DPP10: variants seen among roughly 807,000 people sequenced by gnomAD.
DPP10 encodes inactive dipeptidyl peptidase 10.
A neutral mutation model predicts 120.9 loss-of-function variants in DPP10; 33 were observed. That is an observed-to-expected ratio of 0.27 (90% CI 0.21 to 0.37). The LOEUF is 0.37. DPP10 is among the 10% of genes least tolerant of loss of function. DPP10 has a pLI of 1.00. For missense variants in DPP10, 816 were observed against 942.8 expected (o/e 0.87, Z 1.76); for synonymous variants, 337 against 326.1 (o/e 1.03, Z -0.36).
chr2:114,627,324 C>T (rs1694588980), intron 1 of DPP10, among the ~76,000 whole-genome samples: 1 of 152,154 alleles, frequency 6.6e-6, no homozygotes, highest in African/African-American at 2.4e-5. Context: ...TCTCAAAATA[C>T]ATTTTTCAAG....
intron 3 of DPP10, among the ~76,000 whole-genome samples, chr2:115,477,994 G>A (rs896559352): frequency 6.6e-6 from 1 of 152,038 alleles, no homozygotes; most frequent in Non-Finnish European, 1.5e-5. Context: ...AAGAGTAGGG[G>A]CAGGTGCCAC....
In DPP10 at chr2:114,649,713, C is replaced by G. The variant is rs180991786; in HGVS notation, c.60+206875C>G. ...ACTATTTTATAGGATTTTAAACTGT[C>G]TAGAATTCAGTTTTGGACTAGTATA... is the stretch of plus-strand genomic sequence containing the variant. On this transcript the variant is annotated intron_variant, in intron 1 of 25. Transcript: ENST00000410059. 3.9e-5 allele frequency among the ~76,000 whole-genome samples: 6 copies of G among 152,230 alleles called. No homozygotes were observed. The East Asian group carries it at 1.2e-3, about 29-fold the overall frequency.
intron 1 of DPP10, chr2:115,050,059 T>C (rs1259197754): frequency 6.6e-6 from 1 of 152,048 alleles, no homozygotes; most frequent in East Asian, 1.9e-4. Context: ...AAGGGCAGAG[T>C]AGGAAACTTG....
chr2:115,428,366 G>A (rs2070671591), intron 3 of DPP10, among the ~76,000 whole-genome samples: 2 of 152,116 alleles, frequency 1.3e-5, no homozygotes, highest in African/African-American at 4.8e-5. Flanking sequence ...TTTGCTATTA[G>A]AAATACCTTA....
At chr2:115,827,271 G>GTATA (rs200558624) in intron 21 of DPP10, among the ~76,000 whole-genome samples, 1,915 of 145,464 alleles carry the variant, frequency 0.013, 45 homozygotes, top group African/African-American at 0.045. Flanking sequence ...CAGTATTTAT[G>GTATA]TATGTATACA....
intron 6 of DPP10, 50 bp downstream of exon 6, chr2:115,689,789 G>T: frequency 4.3e-6 from 7 of 1,609,452 alleles, no homozygotes; most frequent in Non-Finnish European, 5.9e-6. Flanking sequence ...TTACTAAATT[G>T]TTGGTGTAGA....
At chr2:114,661,909 C>T (rs1697432691) in intron 1 of DPP10, among the ~76,000 whole-genome samples, 2 of 151,994 alleles carry the variant, frequency 1.3e-5, no homozygotes, top group Admixed American at 1.3e-4. Context: ...CACAATGAGC[C>T]CAGGGGTTGA....
At chr2:114,705,268 C>G (rs1700620045) in intron 1 of DPP10, among the ~76,000 whole-genome samples, 1 of 151,962 alleles carries the variant, frequency 6.6e-6, no homozygotes, top group Non-Finnish European at 1.5e-5. Context: ...ATCTTTTAGC[C>G]CAGTACCTTT....
intron 1 of DPP10, among the ~76,000 whole-genome samples, chr2:114,466,186 G>A (rs1450006861): frequency 6.6e-6 from 1 of 152,130 alleles, no homozygotes; most frequent in Non-Finnish European, 1.5e-5. Context: ...AGAATATGCT[G>A]GAGAATTGCC....
chr2:115,207,275 G>A (rs115768162), intron 1 of DPP10, among the ~76,000 whole-genome samples: 1,574 of 152,154 alleles, frequency 0.01, 35 homozygotes, highest in African/African-American at 0.036. Flanking sequence ...TTACAGAAGA[G>A]TATTTGTTTT....
At chr2:114,808,061 C>T (rs79884628) in intron 1 of DPP10, among the ~76,000 whole-genome samples, 15,811 of 152,182 alleles carry the variant, frequency 0.1, 907 homozygotes, top group South Asian at 0.12. Context: ...GAAAACGTTT[C>T]AGCAGCGCTG....
At chr2:115,469,688 C>T (rs7562993) in intron 3 of DPP10, among the ~76,000 whole-genome samples, 21,118 of 151,870 alleles carry the variant, frequency 0.14, 3,222 homozygotes, top group African/African-American at 0.37. Flanking sequence ...CACCTGAGAG[C>T]GGGAGCTCGA....
intron 1 of DPP10, among the ~76,000 whole-genome samples, chr2:114,745,526 T>A (rs1448702856): frequency 6.6e-6 from 1 of 152,110 alleles, no homozygotes; most frequent in African/African-American, 2.4e-5. Context: ...CAAAAAGAAA[T>A]ACATGGTATG....
chr2:115,562,359 C>T (rs966651594), intron 5 of DPP10, among the ~76,000 whole-genome samples: 2 of 152,148 alleles, frequency 1.3e-5, no homozygotes, highest in Non-Finnish European at 2.9e-5. Context: ...TCTTACTTGT[C>T]TCCAATATAT....
intron 1 of DPP10, among the ~76,000 whole-genome samples, chr2:114,827,644 T>A (rs555549984): frequency 2.0e-5 from 3 of 152,240 alleles, no homozygotes; most frequent in African/African-American, 7.2e-5. Flanking sequence ...TGTGCATGCA[T>A]GTGTGTGTGC....
At chr2:114,687,930 G>T (rs1283927033) in intron 1 of DPP10, among the ~76,000 whole-genome samples, 2 of 151,880 alleles carry the variant, frequency 1.3e-5, no homozygotes, top group Non-Finnish European at 2.9e-5. Flanking sequence ...TCTTCTTCCA[G>T]GTAGAACATT....
intron 1 of DPP10, among the ~76,000 whole-genome samples, chr2:114,640,679 C>A (rs1695641701): frequency 6.6e-6 from 1 of 151,834 alleles, no homozygotes; most frequent in South Asian, 2.1e-4. Flanking sequence ...TTGATGGTAG[C>A]CCCAGCTTTG....
intron 1 of DPP10, among the ~76,000 whole-genome samples, chr2:114,558,586 C>G (rs1558879662): frequency 6.6e-6 from 1 of 152,192 alleles, no homozygotes; most frequent in Non-Finnish European, 1.5e-5. Context: ...TCTCTTCCAT[C>G]AAACAAAAAG....
intron 1 of DPP10, among the ~76,000 whole-genome samples, chr2:114,707,849 A>C (rs964522261): frequency 6.6e-6 from 1 of 152,178 alleles, no homozygotes; most frequent in African/African-American, 2.4e-5. Context: ...GCAGAATTCT[A>C]TGCACCAGTG....
Sources: allele counts gnomAD v4.1 joint callset (sites outside exome capture counted in the v4.1 genomes callset), GRCh38; gene constraint gnomAD v4.1.1; transcripts MANE v1.5; gene names NCBI Gene and HGNC (gene_info 2026-07-23, HGNC 2026-07-21).